The following ERC2 variants were observed in gnomAD, a reference collection of about 807,000 sequenced individuals.
The protein encoded by ERC2 is ERC protein 2.
A neutral mutation model predicts 114.8 loss-of-function variants in ERC2; 42 were observed. The ratio of observed to expected loss-of-function variants is 0.37; its 90% CI spans 0.29 to 0.47. ERC2 has a LOEUF of 0.47. ERC2 is among the 20% of genes least tolerant of loss of function. The pLI is 0.99. For synonymous variants in ERC2, 454 were observed against 425.5 expected (o/e 1.07, Z -0.82); for missense variants, 939 against 1,150.7 (o/e 0.82, Z 2.66).
At chr3:56,416,659 TAAA>T (rs35915351) in intron 2 of ERC2, among the ~76,000 whole-genome samples, 5,462 of 104,216 alleles carry the variant, frequency 0.052, 282 homozygotes, top group African/African-American at 0.15. Flanking sequence ...AAAACATGAT[TAAA>T]AAAAAAAAAA....
chr3:56,325,548 T>C (rs1379604302), intron 2 of ERC2, among the ~76,000 whole-genome samples: 1 of 152,222 alleles, frequency 6.6e-6, no homozygotes, highest in South Asian at 2.1e-4. Flanking sequence ...GTGAATTTAC[T>C]AGATGTCTTC....
intron 17 of ERC2, among the ~76,000 whole-genome samples, chr3:55,513,384 A>T (rs1269217289): frequency 6.6e-6 from 1 of 152,116 alleles, no homozygotes; most frequent in Non-Finnish European, 1.5e-5. Flanking sequence ...AGCCCTAAAA[A>T]TTTATTTTCT....
chr3:55,592,368 C>G (rs974439559), intron 17 of ERC2, among the ~76,000 whole-genome samples: 7 of 152,152 alleles, frequency 4.6e-5, no homozygotes, highest in Non-Finnish European at 4.4e-5. Context: ...ATCCCTTCAG[C>G]CTTTACTGAT....
At chr3:56,330,918 T>C (rs2057580718) in intron 2 of ERC2, among the ~76,000 whole-genome samples, 1 of 152,198 alleles carries the variant, frequency 6.6e-6, no homozygotes, top group African/African-American at 2.4e-5. Context: ...AGGGAGGTAC[T>C]GTTCGGTCCG....
At chr3:55,933,640 G>A (rs976392129) in intron 13 of ERC2, among the ~76,000 whole-genome samples, 3 of 152,258 alleles carry the variant, frequency 2.0e-5, no homozygotes, top group South Asian at 2.1e-4. Flanking sequence ...GTCAAAGTCC[G>A]TTTGGAGAGC....
intron 10 of ERC2, among the ~76,000 whole-genome samples, chr3:56,003,796 T>C (rs1174920893): frequency 6.6e-6 from 1 of 152,130 alleles, no homozygotes; most frequent in Non-Finnish European, 1.5e-5. Flanking sequence ...TTTTCAAAGA[T>C]ATCCTATTAT....
intron 14 of ERC2, among the ~76,000 whole-genome samples, chr3:55,883,202 T>C (rs1469570686): frequency 6.6e-6 from 1 of 152,176 alleles, no homozygotes; most frequent in Non-Finnish European, 1.5e-5. Flanking sequence ...CAATATCCAA[T>C]ATTAAAAGAA....
At chr3:55,566,033 G>A (rs2056350724) in intron 17 of ERC2, among the ~76,000 whole-genome samples, 1 of 152,224 alleles carries the variant, frequency 6.6e-6, no homozygotes, top group Non-Finnish European at 1.5e-5. Flanking sequence ...GGGGGGAAAT[G>A]TCTTAGCCAC....
intron 13 of ERC2, among the ~76,000 whole-genome samples, chr3:55,948,853 G>A (rs531314014): frequency 7.9e-5 from 12 of 152,264 alleles, no homozygotes; most frequent in African/African-American, 2.2e-4. Context: ...TAAACAAATC[G>A]TTTTTAATGT....
chr3:55,645,239 T>A (rs1436878330), intron 17 of ERC2, among the ~76,000 whole-genome samples: 2 of 152,164 alleles, frequency 1.3e-5, no homozygotes, highest in Non-Finnish European at 2.9e-5. Context: ...AAAATATGGG[T>A]TGATTTATTT....
rs554911983 is a variant in ERC2 at position 55,922,328 on chromosome 3, C to T, written c.2403+28097G>A. On this transcript the variant is annotated intron_variant, in intron 13 of 17. Transcript: ENST00000288221. ...GTAATTATGGTGAGATAATCAAAGG[C>T]CTCCACACTGAAAAAAAAAATTGTC... 6.1e-4 allele frequency among the ~76,000 whole-genome samples: 93 copies of T among 152,064 alleles called. 1 individual carries two copies. The South Asian group carries it at 0.019, about 31-fold the overall frequency.
At chr3:55,716,517 C>A (rs114100331) in intron 15 of ERC2, among the ~76,000 whole-genome samples, 2,854 of 152,270 alleles carry the variant, frequency 0.019, 36 homozygotes, top group Middle Eastern at 0.031. Context: ...AAACTACCTG[C>A]AAGTTATTTA....
At chr3:55,779,582 A>G (rs1336136379) in intron 14 of ERC2, among the ~76,000 whole-genome samples, 3 of 152,170 alleles carry the variant, frequency 2.0e-5, no homozygotes, top group African/African-American at 7.2e-5. Flanking sequence ...ATAAAAGAAG[A>G]AACTGTAGGT....
intron 2 of ERC2, among the ~76,000 whole-genome samples, chr3:56,369,797 C>T (rs1261605204): frequency 6.6e-6 from 1 of 152,180 alleles, no homozygotes; most frequent in African/African-American, 2.4e-5. Flanking sequence ...CTGCCTCAGC[C>T]TCCTGAGTAT....
At chr3:56,021,388 G>C (rs1299385809) in intron 7 of ERC2, among the ~76,000 whole-genome samples, 1 of 151,800 alleles carries the variant, frequency 6.6e-6, no homozygotes, top group Non-Finnish European at 1.5e-5. Context: ...GTCAATCAGG[G>C]TTATCCAGCT....
intron 6 of ERC2, among the ~76,000 whole-genome samples, chr3:56,123,311 C>G (rs2079686902): frequency 6.6e-6 from 1 of 152,050 alleles, no homozygotes; most frequent in African/African-American, 2.4e-5. Flanking sequence ...AGAGACCCTA[C>G]AGAGCTAGCT....
intron 2 of ERC2, among the ~76,000 whole-genome samples, chr3:56,417,642 G>A (rs145907067): frequency 2.6e-5 from 4 of 152,292 alleles, no homozygotes; most frequent in Admixed American, 2.6e-4. Context: ...AAGGAAACAA[G>A]TGCAGAGAGA....
At chr3:56,391,739 C>T (rs1462439614) in intron 2 of ERC2, among the ~76,000 whole-genome samples, 7 of 151,862 alleles carry the variant, frequency 4.6e-5, no homozygotes, top group Non-Finnish European at 1.0e-4. Context: ...CAATCGTGCA[C>T]AGGAATGGGT....
intron 7 of ERC2, among the ~76,000 whole-genome samples, chr3:56,065,485 C>T (rs2076429374): frequency 6.6e-6 from 1 of 151,944 alleles, no homozygotes; most frequent in Admixed American, 6.6e-5. Flanking sequence ...GCCACCGTGC[C>T]CAGCCTCATG....
Sources: allele counts gnomAD v4.1 joint callset (sites outside exome capture counted in the v4.1 genomes callset), GRCh38; gene constraint gnomAD v4.1.1; transcripts MANE v1.5; gene names NCBI Gene and HGNC (gene_info 2026-07-23, HGNC 2026-07-21).